Variants in TMPO observed in about 807,000 individuals in gnomAD.
The protein encoded by TMPO is thymopoietin.
Under a neutral mutation model 45.4 loss-of-function variants are expected in TMPO, and 22 were observed. The ratio of observed to expected loss-of-function variants is 0.48; its 90% CI spans 0.35 to 0.69. TMPO has a LOEUF of 0.69. Ranked by LOEUF, TMPO falls within the 30% of genes least tolerant of loss-of-function variation. TMPO has a pLI of 0.01. For missense variants in TMPO, 512 were observed against 548.8 expected (o/e 0.93, Z 0.67); for synonymous variants, 241 against 204.1 (o/e 1.18, Z -1.54).
rs764407090 is a variant in TMPO, at chr12:98,544,528, C to T, written c.870C>T (p.Asn290=). ...CTGAAACTATAATGGCTTCAAGCAA[C>T]GAATCCTTAGTAAATATGTTTCATA... The part of the protein sequence containing the change: ...PIAETIMASS[N]ESLVVNRVTG... Residue 290 remains asparagine, a synonymous_variant, in exon 6 of 9, where the codon AAC becomes AAT. Coordinates refer to ENST00000556029, the MANE Select transcript of TMPO (RefSeq NM_001032283.3). 1.1e-5 allele frequency: 18 copies of T among 1,609,732 alleles called. No homozygotes were observed. Among genetic ancestry groups the T allele is most frequent in the Admixed American group, 5.0e-5 (3 of 59,970 alleles).
chr12:98,515,973 G>T lies in TMPO; in HGVS notation c.106G>T (p.Val36Leu). ...GCCGGCCGGGGAGCAGCGCAAAGAC[G>T]TGTACGTCCAGCTCTACCTGCAGCA... ...TLPAGEQRKD[V>L]YVQLYLQHLT... is the part of the protein sequence containing the mutation. Residue 36 changes from valine to leucine, a missense_variant, in exon 1 of 9, where the codon GTG becomes TTG. By Grantham distance (32) the Val-to-Leu change is conservative (BLOSUM62 1). Transcript: ENST00000556029. The T allele has an allele frequency of 6.2e-7, 1 of 1,613,082 alleles. No individual in the cohort carries two copies. Among genetic ancestry groups the T allele is most frequent in the Non-Finnish European group, 8.5e-7 (1 of 1,179,852 alleles).
chr12:98,527,731 A>G (rs1021699786), intron 1 of TMPO, 155 bp from the exon 2 acceptor site: 4 of 756,820 alleles, frequency 5.3e-6, no homozygotes, highest in South Asian at 1.7e-5. Flanking sequence ...GTGTTCTCCA[A>G]TAATGAGTTG....
In TMPO at chr12:98,550,276, A is replaced by ACAATATAATT. The variant is rs1389461813; in HGVS notation, c.*2424_*2433dup. 6.6e-6 allele frequency: 1 copy of ACAATATAATT among 152,264 alleles called. No individual in the cohort carries two copies. Among genetic ancestry groups the ACAATATAATT allele is most frequent in the African/African-American group, 2.4e-5 (1 of 41,470 alleles). 9.4% of individuals were successfully genotyped at this position (152,264 alleles called of 1,614,324 possible). On this transcript the variant is annotated 3_prime_UTR_variant, in exon 9 of 9. Transcript: ENST00000556029. ...TGATTAAATTGTAGATGTAGACTTT[A>ACAATATAATT]CAATATAATTCAATAATAAAAAGTA...
intron 1 of TMPO, among the ~76,000 whole-genome samples, chr12:98,519,171 C>A (rs913029444): frequency 1.3e-5 from 2 of 152,016 alleles, no homozygotes; most frequent in Non-Finnish European, 2.9e-5. Context: ...CGTGAGCCAC[C>A]GCGCCCAGCC....
chr12:98,519,860 T>C (rs1876197364), intron 1 of TMPO, among the ~76,000 whole-genome samples: 1 of 152,230 alleles, frequency 6.6e-6, no homozygotes, highest in South Asian at 2.1e-4. Flanking sequence ...ATTATTCATG[T>C]CAATTCCTCT....
Position 98,544,556 on chromosome 12 carries a change from C to A in TMPO, c.879+19C>A. ...ATCCTTAGTAAATATGTTTCATAAA[C>A]TATACAAGTGGTATTCTTTGTAAAT... On this transcript the variant is annotated intron_variant, in intron 6 of 8. Coordinates refer to ENST00000556029, the MANE Select transcript of TMPO (RefSeq NM_001032283.3). 6.3e-7 allele frequency: 1 copy of A among 1,581,058 alleles called. No individual in the cohort carries two copies.
At chr12:98,530,887 A>G (rs987710585) in intron 2 of TMPO, among the ~76,000 whole-genome samples, 1 of 152,272 alleles carries the variant, frequency 6.6e-6, no homozygotes, top group Non-Finnish European at 1.5e-5. Context: ...TAGATGGTCT[A>G]TAGAAAGGCC....
intron 2 of TMPO, among the ~76,000 whole-genome samples, chr12:98,530,307 A>C (rs1877101794): frequency 6.6e-6 from 1 of 152,094 alleles, no homozygotes; most frequent in Non-Finnish European, 1.5e-5. Context: ...ACTGCAGTGC[A>C]GCCTGGGCAA....
chr12:98,527,007 T>G (rs1455363927), intron 1 of TMPO, among the ~76,000 whole-genome samples: 1 of 151,676 alleles, frequency 6.6e-6, no homozygotes, highest in Non-Finnish European at 1.5e-5. Flanking sequence ...TGTATCTAAG[T>G]GTAAGCCTGT....
chr12:98,538,493 C>T (rs988479113), intron 4 of TMPO, among the ~76,000 whole-genome samples: 3 of 152,124 alleles, frequency 2.0e-5, no homozygotes, highest in African/African-American at 7.2e-5. Flanking sequence ...GCTGGGATTA[C>T]AGGCACATGC....
intron 1 of TMPO, among the ~76,000 whole-genome samples, chr12:98,518,918 G>T (rs1488694526): frequency 3.3e-5 from 5 of 150,724 alleles, no homozygotes; most frequent in Non-Finnish European, 5.9e-5. Flanking sequence ...GTCTTGCTCT[G>T]TCGCCCAGTC....
intron 7 of TMPO, among the ~76,000 whole-genome samples, 153 bp downstream of exon 7, chr12:98,545,214 GAC>G (rs2121253697): frequency 6.7e-6 from 1 of 148,972 alleles, no homozygotes; most frequent in East Asian, 1.9e-4. Flanking sequence ...TTATTTTAAG[GAC>G]ACTTTTATTA....
At chr12:98,539,472 T>C (rs971873633) in intron 4 of TMPO, among the ~76,000 whole-genome samples, 1 of 31,920 alleles carries the variant, frequency 3.1e-5, no homozygotes, top group Non-Finnish European at 7.8e-5. Flanking sequence ...TTTAAATTAC[T>C]TTTTTTTTTT....
Position 98,537,457 on chromosome 12 carries a change from C to T in TMPO, c.566-18C>T. 6.3e-7 allele frequency: 1 copy of T among 1,585,708 alleles called. No homozygotes were observed. Among genetic ancestry groups the T allele is most frequent in the Non-Finnish European group, 8.7e-7 (1 of 1,155,584 alleles). On this transcript the variant is annotated intron_variant, in intron 3 of 8. Transcript: ENST00000556029. ...TGAGTGTTTCAGAGAGTAATGGTTTCTCCAATGTTATTTCCAGACTCTAAA... is the reference window on the plus strand; with the variant it reads ...TGAGTGTTTCAGAGAGTAATGGTTTTTCCAATGTTATTTCCAGACTCTAAA...
chr12:98,543,833 A>G (rs1878065063), intron 4 of TMPO, among the ~76,000 whole-genome samples: 1 of 152,200 alleles, frequency 6.6e-6, no homozygotes, highest in African/African-American at 2.4e-5. Context: ...TTTGTTTTAA[A>G]AGGAAACTGA....
chr12:98,539,662 C>A (rs1345893191), intron 4 of TMPO, among the ~76,000 whole-genome samples: 1 of 151,986 alleles, frequency 6.6e-6, no homozygotes, highest in East Asian at 1.9e-4. Context: ...TTAGTAGAGA[C>A]CAGGTTTCAC....
At chr12:98,518,829 C>G (rs901417668) in intron 1 of TMPO, among the ~76,000 whole-genome samples, 2 of 151,722 alleles carry the variant, frequency 1.3e-5, no homozygotes, top group African/African-American at 2.4e-5. Flanking sequence ...GTCTGTCCAA[C>G]TCATATGTTA....
chr12:98,538,054 T>C (rs1241492347), intron 4 of TMPO, among the ~76,000 whole-genome samples: 2 of 152,188 alleles, frequency 1.3e-5, no homozygotes, highest in African/African-American at 4.8e-5. Flanking sequence ...AAATTTACCT[T>C]TTCTATTGTG....
At chr12:98,536,605 C>A (rs1322149777) in intron 3 of TMPO, among the ~76,000 whole-genome samples, 2 of 152,142 alleles carry the variant, frequency 1.3e-5, no homozygotes, top group Admixed American at 6.5e-5. Context: ...CCCACCTCGG[C>A]CTTCCAAAGT....
Sources: gnomAD v4.1 joint callset for allele counts (sites outside exome capture counted in the v4.1 genomes callset) on GRCh38, gnomAD v4.1.1 for gene constraint, MANE v1.5 for transcripts, NCBI Gene and HGNC (gene_info 2026-07-23, HGNC 2026-07-21) for gene names.